The following FNBP1L variants were observed in gnomAD, a reference collection of about 807,000 sequenced individuals.
FNBP1L encodes the protein formin-binding protein 1-like.
Under a neutral mutation model 91.2 loss-of-function variants are expected in FNBP1L, and 36 were observed. That is an observed-to-expected ratio of 0.39 (90% confidence interval 0.30 to 0.52). The LOEUF is 0.52. FNBP1L is among the 20% of genes least tolerant of loss of function. The pLI is 0.66. For missense variants in FNBP1L, 571 were observed against 732.1 expected, an observed-to-expected ratio of 0.78 and a Z score of 2.54; for synonymous variants, 242 against 237.0, an observed-to-expected ratio of 1.02 and a Z score of -0.19.
At chr1:93,519,585 T>A (rs564252011) in intron 2 of FNBP1L, among the ~76,000 whole-genome samples, 3 of 152,226 alleles carry the variant, frequency 2.0e-5, no homozygotes, top group Non-Finnish European at 4.4e-5. Context: ...CTGTAAAAAA[T>A]GTTTGAGCAT....
At chr1:93,546,680 T>A (rs1266661551) in intron 12 of FNBP1L, among the ~76,000 whole-genome samples, 162 bp from the exon 13 acceptor site, 1 of 152,142 alleles carries the variant, frequency 6.6e-6, no homozygotes, top group African/African-American at 2.4e-5. Flanking sequence ...TGTTATCACC[T>A]TTATGCAAAT....
Position 93,528,589 on chromosome 1 carries a change from A to G in FNBP1L, c.406-1063A>G, listed in dbSNP as rs138776690. ...TAGCAAAATGAGGAAGTGAATCAAG[A>G]ACGGAGAAAGCATACAACTAGGAAA... On this transcript the variant is annotated intron_variant, in intron 5 of 16. Transcript: ENST00000271234. Among the ~76,000 whole-genome samples the G allele has an allele frequency of 1.9e-3, 291 of 152,276 alleles. 2 individuals are homozygous for G. Among genetic ancestry groups the G allele is most frequent in the African/African-American group, 6.7e-3 (280 of 41,562 alleles).
At chr1:93,508,851 A>T (rs1038399958) in intron 2 of FNBP1L, among the ~76,000 whole-genome samples, 12 of 152,210 alleles carry the variant, frequency 7.9e-5, no homozygotes, top group Non-Finnish European at 1.3e-4. Context: ...TTAGGGATCC[A>T]GGTACTTAGA....
chr1:93,538,529 GA>G (rs1436119260), intron 10 of FNBP1L, among the ~76,000 whole-genome samples: 4 of 151,986 alleles, frequency 2.6e-5, no homozygotes, highest in African/African-American at 4.8e-5. Context: ...GAAGAAAGTG[GA>G]TTACAACTTG....
intron 1 of FNBP1L, among the ~76,000 whole-genome samples, chr1:93,472,684 C>T (rs1235877967): frequency 6.6e-6 from 1 of 151,528 alleles, no homozygotes; most frequent in African/African-American, 2.4e-5. Context: ...TGTTGGCGGG[C>T]GCCTGTAGTT....
At chr1:93,464,511 A>T (rs539642853) in intron 1 of FNBP1L, among the ~76,000 whole-genome samples, 7 of 151,942 alleles carry the variant, frequency 4.6e-5, no homozygotes, top group African/African-American at 1.7e-4. Flanking sequence ...ATATTTCTCT[A>T]CTGTGTTCTG....
intron 3 of FNBP1L, 147 bp from the exon 4 acceptor site, chr1:93,523,197 T>C: frequency 1.4e-6 from 1 of 692,144 alleles, no homozygotes; most frequent in Non-Finnish European, 2.2e-6. Flanking sequence ...GCAGGATTTT[T>C]TTCCATATGA....
At chr1:93,470,109 G>C (rs1291061367) in intron 1 of FNBP1L, among the ~76,000 whole-genome samples, 1 of 152,170 alleles carries the variant, frequency 6.6e-6, no homozygotes, top group African/African-American at 2.4e-5. Flanking sequence ...AAATCTAAGT[G>C]TGAATGTTAG....
rs1671732397 is a variant in FNBP1L at position 93,532,960 on chromosome 1, C to A, written c.678C>A (p.Leu226=). 1 of 1,611,900 alleles carries A rather than the reference C, an allele frequency of 6.2e-7. No homozygotes were observed. Among genetic ancestry groups the A allele is most frequent in the East Asian group, 2.2e-5 (1 of 44,802 alleles). ...TGGACGAACGAAGGACTATTAAACT[C>A]AGTGAGTGTTACAGAGGATTTGCTG... The part of the protein sequence containing the change: ...QEMDERRTIK[L]SECYRGFADS... The change falls in exon 8 of 17, where the codon CTC becomes CTA. Residue 226 remains leucine (L), a synonymous_variant. Transcript: ENST00000271234.
intron 8 of FNBP1L, 102 bp downstream of exon 8, chr1:93,533,170 G>T: frequency 2.1e-6 from 2 of 952,324 alleles, no homozygotes; most frequent in Non-Finnish European, 1.5e-6. Context: ...TCTGATGTGT[G>T]GTTCTAAATT....
At chr1:93,549,060 A>G (rs1672325043) in intron 14 of FNBP1L, among the ~76,000 whole-genome samples, 1 of 152,108 alleles carries the variant, frequency 6.6e-6, no homozygotes, top group South Asian at 2.1e-4. Flanking sequence ...GAATATTGTA[A>G]TCTTGTAATT....
In FNBP1L at chr1:93,553,957, G is replaced by A. The variant is rs1672496355; in HGVS notation, c.*1541G>A. 6.6e-6 allele frequency: 1 copy of A among 152,582 alleles called. No individual in the cohort carries two copies. The highest frequency in any genetic ancestry group is 2.1e-4 in the South Asian group (1 of 4,836). The allele number at this position is 152,582 out of a possible 1,614,324, so 9.5% of individuals were successfully genotyped here. On this transcript the variant is annotated 3_prime_UTR_variant, in exon 17 of 17. Transcript: ENST00000271234. ...TTAAGCAATATTTTAGAAGCTGTGT[G>A]ACTGCTTTAATAACTTTTTCCCAGT...
At chr1:93,458,725 G>C (rs1207523266) in intron 1 of FNBP1L, among the ~76,000 whole-genome samples, 1 of 152,174 alleles carries the variant, frequency 6.6e-6, no homozygotes, top group African/African-American at 2.4e-5. Flanking sequence ...CCACCCTTCA[G>C]TTTTGCTTTT....
At chr1:93,516,668 T>G (rs1373630266) in intron 2 of FNBP1L, among the ~76,000 whole-genome samples, 1 of 151,024 alleles carries the variant, frequency 6.6e-6, no homozygotes, top group African/African-American at 2.4e-5. Flanking sequence ...TAGCTGGGCG[T>G]GGTGGTGGGC....
chr1:93,517,845 C>T (rs947182201), intron 2 of FNBP1L, among the ~76,000 whole-genome samples: 1 of 152,146 alleles, frequency 6.6e-6, no homozygotes, highest in Non-Finnish European at 1.5e-5. Context: ...CTGGTGTTGG[C>T]ATCAGATTTG....
At chr1:93,517,389 C>A (rs1306508829) in intron 2 of FNBP1L, among the ~76,000 whole-genome samples, 1 of 152,062 alleles carries the variant, frequency 6.6e-6, no homozygotes, top group Non-Finnish European at 1.5e-5. Flanking sequence ...GCAGTGGCAA[C>A]GATCATAGCT....
At position 93,549,268 on chromosome 1, in the gene FNBP1L, T is replaced by C. The variant is rs748449882; in HGVS notation, c.1503-10T>C. ...TGATACTTGATCAGAGATAATTTTT[T>C]GTTTTATAGTCCTGAGGGAAGTTAC... is the stretch of plus-strand genomic sequence containing the variant. On this transcript the variant is annotated splice_polypyrimidine_tract_variant and intron_variant, in intron 14 of 16. Transcript: ENST00000271234. 7 of 1,593,156 alleles carry C rather than the reference T, an allele frequency of 4.4e-6. No homozygotes were observed. In the South Asian group the frequency reaches 8.1e-5, roughly 18 times the overall value.
At chr1:93,506,806 T>G (rs1670630801) in intron 2 of FNBP1L, among the ~76,000 whole-genome samples, 1 of 152,066 alleles carries the variant, frequency 6.6e-6, no homozygotes, top group African/African-American at 2.4e-5. Context: ...TTTTGTAATT[T>G]TTACTGAAAC....
chr1:93,541,962 T>G (rs1377106619), intron 11 of FNBP1L, among the ~76,000 whole-genome samples: 2 of 152,150 alleles, frequency 1.3e-5, no homozygotes, highest in Non-Finnish European at 2.9e-5. Flanking sequence ...TCTGGCAGAT[T>G]TACTTGTAGG....
Sources: gnomAD v4.1 joint callset for allele counts (sites outside exome capture counted in the v4.1 genomes callset) on GRCh38, gnomAD v4.1.1 for gene constraint, MANE v1.5 for transcripts, NCBI Gene and HGNC (gene_info 2026-07-23, HGNC 2026-07-21) for gene names.